The following NAV2 variants were observed in gnomAD, a reference collection of about 807,000 sequenced individuals.
NAV2 encodes helicase, APC down-regulated 1.
In NAV2, 54 loss-of-function variants were observed where a neutral mutation model predicts 223.2. That is an observed-to-expected ratio of 0.24 (90% confidence interval 0.19 to 0.30). The LOEUF (loss-of-function observed/expected upper bound fraction) is 0.30. Among genes scored for constraint, NAV2 ranks in the 10% least tolerant of loss-of-function variants. NAV2 has a pLI of 1.00. For synonymous variants in NAV2, 1,279 were observed against 1,239.3 expected (o/e 1.03, Z -0.67); for missense variants, 2,806 against 3,147.5 (o/e 0.89, Z 2.60).
chr11:20,046,870 T>C (rs1384346105), intron 14 of NAV2, among the ~76,000 whole-genome samples: 3 of 152,170 alleles, frequency 2.0e-5, no homozygotes, highest in Admixed American at 6.5e-5. Flanking sequence ...TCCCAGGAAA[T>C]TTCTTATCAT....
intron 10 of NAV2, among the ~76,000 whole-genome samples, chr11:19,974,350 T>C (rs952783736): frequency 3.3e-5 from 5 of 152,232 alleles, no homozygotes; most frequent in Admixed American, 3.3e-4. Flanking sequence ...TATTCTGTGA[T>C]ACTGTAATGG....
intron 1 of NAV2, among the ~76,000 whole-genome samples, chr11:19,756,003 A>G (rs1027432607): frequency 3.9e-5 from 6 of 152,210 alleles, no homozygotes; most frequent in Admixed American, 3.9e-4. Flanking sequence ...AACTGCTTTC[A>G]AAAAGACTGT....
intron 1 of NAV2, among the ~76,000 whole-genome samples, chr11:19,647,422 A>T (rs555061592): frequency 6.6e-6 from 1 of 152,092 alleles, no homozygotes; most frequent in African/African-American, 2.4e-5. Context: ...GCAACACAAA[A>T]TGAGCATCTG....
intron 1 of NAV2, among the ~76,000 whole-genome samples, chr11:19,520,049 T>C (rs536188605): frequency 5.9e-4 from 90 of 152,326 alleles, no homozygotes; most frequent in South Asian, 1.2e-3. Flanking sequence ...TTCTTTAACT[T>C]TACTCTTAGG....
intron 1 of NAV2, among the ~76,000 whole-genome samples, chr11:19,577,304 C>T (rs145771447): frequency 6.7e-4 from 102 of 152,382 alleles, no homozygotes; most frequent in Admixed American, 2.5e-3. Context: ...CTTCATGGGG[C>T]TGCTTTTCAG....
At chr11:19,999,718 T>C (rs2249721) in intron 11 of NAV2, among the ~76,000 whole-genome samples, 149,850 of 152,236 alleles carry the variant, frequency 0.98, 73,803 homozygotes, top group Middle Eastern at 1. Context: ...GTTCAGATGC[T>C]GACTGTGCTG....
chr11:19,859,708 T>A (rs1362303203), intron 3 of NAV2, among the ~76,000 whole-genome samples: 1 of 150,864 alleles, frequency 6.6e-6, no homozygotes, highest in African/African-American at 2.4e-5. Flanking sequence ...CACTTCCCAG[T>A]AGGGGTGGCC....
At chr11:19,833,786 C>T (rs2060081017) in intron 2 of NAV2, among the ~76,000 whole-genome samples, 5 of 152,150 alleles carry the variant, frequency 3.3e-5, no homozygotes, top group Admixed American at 2.6e-4. Flanking sequence ...TCTATGTTCA[C>T]TCAGTTTGTT....
At chr11:19,779,533 C>G (rs2403532) in intron 1 of NAV2, among the ~76,000 whole-genome samples, 7,211 of 152,304 alleles carry the variant, frequency 0.047, 566 homozygotes, top group African/African-American at 0.16. Context: ...TGCCTGTGTT[C>G]GTTGTGAAAG....
At chr11:19,929,594 A>G (rs1383210913) in intron 6 of NAV2, among the ~76,000 whole-genome samples, 2 of 152,180 alleles carry the variant, frequency 1.3e-5, no homozygotes, top group African/African-American at 4.8e-5. Context: ...CTTAATAACC[A>G]GGGGAGCCCA....
chr11:19,993,016 C>G (rs925657681), intron 11 of NAV2, among the ~76,000 whole-genome samples: 4 of 152,140 alleles, frequency 2.6e-5, no homozygotes, highest in African/African-American at 9.7e-5. Context: ...GAATAAGAGG[C>G]CAAAGAGAAA....
chr11:19,888,322 G>A (rs781557038), intron 5 of NAV2, among the ~76,000 whole-genome samples: 4 of 152,038 alleles, frequency 2.6e-5, no homozygotes, highest in Admixed American at 1.3e-4. Context: ...CTCTCACCAC[G>A]CTGCCTCAGT....
At chr11:19,760,080 T>C (rs1443969867) in intron 1 of NAV2, 2 of 152,786 alleles carry the variant, frequency 1.3e-5, no homozygotes, top group Non-Finnish European at 2.9e-5. Context: ...CACCTATGTA[T>C]TTGAAAAAGA....
chr11:19,351,639 G>A (rs1381818277), intron 1 of NAV2, among the ~76,000 whole-genome samples: 1 of 152,082 alleles, frequency 6.6e-6, no homozygotes. Context: ...GAGTAGCATA[G>A]GGTGGTTGGT....
chr11:19,971,206 C>T (rs2049210062), intron 10 of NAV2, among the ~76,000 whole-genome samples: 1 of 152,000 alleles, frequency 6.6e-6, no homozygotes, highest in African/African-American at 2.4e-5. Context: ...CTTTTGCCAA[C>T]CTTAGTAGAA....
intron 1 of NAV2, among the ~76,000 whole-genome samples, chr11:19,542,097 C>T (rs1303340311): frequency 2.0e-5 from 3 of 152,188 alleles, no homozygotes; most frequent in Admixed American, 6.5e-5. Context: ...GGAATCCCTT[C>T]CACCCACCCT....
chr11:19,473,065 C>T (rs1291377315), intron 1 of NAV2, among the ~76,000 whole-genome samples: 1 of 152,184 alleles, frequency 6.6e-6, no homozygotes, highest in East Asian at 1.9e-4. Flanking sequence ...GCCCAGGTTC[C>T]AGAGTTCAGA....
chr11:19,591,942 G>T (rs1276956117), intron 1 of NAV2, among the ~76,000 whole-genome samples: 2 of 152,180 alleles, frequency 1.3e-5, no homozygotes, highest in Non-Finnish European at 1.5e-5. Context: ...TCCAAGGCAG[G>T]CTATGGAGGC....
At chr11:19,791,712 C>T (rs10833171) in intron 1 of NAV2, among the ~76,000 whole-genome samples, 33,927 of 152,048 alleles carry the variant, frequency 0.22, 4,517 homozygotes, top group East Asian at 0.69. Context: ...ATCCAGAGAG[C>T]GGGCACTCAG....
Sources: allele counts gnomAD v4.1 joint callset (sites outside exome capture counted in the v4.1 genomes callset), GRCh38; gene constraint gnomAD v4.1.1; transcripts MANE v1.5; gene names NCBI Gene and HGNC (gene_info 2026-07-23, HGNC 2026-07-21).